Variants in SYT2 observed in about 807,000 individuals in gnomAD.
SYT2 encodes synaptotagmin-2.
In SYT2, 15 loss-of-function variants were observed where a neutral mutation model predicts 39.9. The ratio of observed to expected loss-of-function variants is 0.38; its 90% CI spans 0.25 to 0.58. The LOEUF is 0.58. Among genes scored for constraint, SYT2 ranks in the 20% least tolerant of loss-of-function variants. The pLI is 0.70. For missense variants in SYT2, 389 were observed against 530.3 expected (o/e 0.73, Z 2.62); for synonymous variants, 181 against 204.5 (o/e 0.89, Z 0.98).
chr1:202,649,145 C>T (rs1213878984), intron 1 of SYT2, among the ~76,000 whole-genome samples: 1 of 152,234 alleles, frequency 6.6e-6, no homozygotes, highest in East Asian at 1.9e-4. Context: ...GAGCAGGGCC[C>T]AGGCATCAGA....
intron 8 of SYT2, among the ~76,000 whole-genome samples, chr1:202,598,403 A>C (rs1463634095): frequency 6.6e-6 from 1 of 152,192 alleles, no homozygotes; most frequent in South Asian, 2.1e-4. Context: ...TTGGATTAAC[A>C]TTATCACTGA....
chr1:202,677,265 T>C (rs1185567594), intron 1 of SYT2, among the ~76,000 whole-genome samples: 1 of 152,242 alleles, frequency 6.6e-6, no homozygotes, highest in Non-Finnish European at 1.5e-5. Flanking sequence ...CTTCTGATAA[T>C]GTGACTTTGA....
chr1:202,661,557 A>C (rs1298366036), intron 1 of SYT2, among the ~76,000 whole-genome samples: 1 of 152,142 alleles, frequency 6.6e-6, no homozygotes, highest in Non-Finnish European at 1.5e-5. Flanking sequence ...TGGTTGCCCT[A>C]TGCCACTCGG....
chr1:202,667,788 T>C (rs1393438639), intron 1 of SYT2, among the ~76,000 whole-genome samples: 3 of 151,928 alleles, frequency 2.0e-5, no homozygotes, highest in Non-Finnish European at 2.9e-5. Flanking sequence ...TCTTGGCTCA[T>C]TGCAACCTCT....
rs1008039371 is a variant in SYT2, at chr1:202,646,205, C to A, written c.-17-40416G>T. On this transcript the variant is annotated intron_variant, in intron 1 of 8. Coordinates refer to ENST00000367268, the MANE Select transcript of SYT2 (RefSeq NM_177402.5). ...CTTCATGCACCAGCATCTCTAGATGCAGCCCTTACCCACCTTCCAGCTTCA... is the reference window on the plus strand; with the variant it reads ...CTTCATGCACCAGCATCTCTAGATGAAGCCCTTACCCACCTTCCAGCTTCA... 7.2e-5 allele frequency among the ~76,000 whole-genome samples: 11 copies of A among 152,328 alleles called. 1 individual carries two copies. Among genetic ancestry groups the A allele is most frequent in the Admixed American group, 7.2e-4 (11 of 15,308 alleles).
chr1:202,661,729 C>T (rs1341101464), intron 1 of SYT2, among the ~76,000 whole-genome samples: 3 of 152,186 alleles, frequency 2.0e-5, no homozygotes, highest in Non-Finnish European at 4.4e-5. Flanking sequence ...TCCACCCCTG[C>T]GGGAGTGTTT....
At chr1:202,621,809 A>T (rs1691209592) in intron 1 of SYT2, among the ~76,000 whole-genome samples, 1 of 152,240 alleles carries the variant, frequency 6.6e-6, no homozygotes, top group South Asian at 2.1e-4. Flanking sequence ...TGTCTCCTCT[A>T]GCAGGCTTCT....
chr1:202,616,517 C>T (rs1257644238), intron 1 of SYT2, among the ~76,000 whole-genome samples: 7 of 152,130 alleles, frequency 4.6e-5, no homozygotes, highest in Non-Finnish European at 7.3e-5. Flanking sequence ...CATATACACA[C>T]GTGCACACAC....
At chr1:202,682,789 C>T (rs942336164) in intron 1 of SYT2, among the ~76,000 whole-genome samples, 1 of 152,046 alleles carries the variant, frequency 6.6e-6, no homozygotes, top group East Asian at 1.9e-4. Flanking sequence ...GTGATGGTGG[C>T]AACAGGGATC....
intron 1 of SYT2, among the ~76,000 whole-genome samples, chr1:202,669,157 T>A (rs140122530): frequency 8.5e-5 from 13 of 152,272 alleles, no homozygotes; most frequent in African/African-American, 2.6e-4. Flanking sequence ...CTAGACAAAA[T>A]CTTTGCATCT....
intron 2 of SYT2, 100 bp downstream of exon 2, chr1:202,605,495 A>G: frequency 1.7e-6 from 2 of 1,190,324 alleles, no homozygotes; most frequent in South Asian, 1.5e-5. Flanking sequence ...AAGCATTAGG[A>G]AAGAGCCCAG....
chr1:202,655,756 G>A (rs1692267030), intron 1 of SYT2, among the ~76,000 whole-genome samples: 1 of 152,218 alleles, frequency 6.6e-6, no homozygotes, highest in Admixed American at 6.5e-5. Flanking sequence ...GGGTCTGAGG[G>A]ACAACAGGAG....
chr1:202,631,826 T>C (rs1365973718), intron 1 of SYT2, among the ~76,000 whole-genome samples: 10 of 152,164 alleles, frequency 6.6e-5, no homozygotes, highest in Admixed American at 6.5e-4. Context: ...AGGGGTGTTA[T>C]AGACAGGACT....
chr1:202,601,685 T>C lies in SYT2; in HGVS notation c.801+205A>G, dbSNP rs1690508179. Among the ~76,000 whole-genome samples, 1 of 152,126 alleles carries C rather than the reference T, an allele frequency of 6.6e-6. No homozygotes were observed. The highest frequency in any genetic ancestry group is 1.9e-4 in the East Asian group (1 of 5,182). On this transcript the variant is annotated intron_variant, in intron 6 of 8. Transcript: ENST00000367268. The surrounding 1 kb of genome is among the most constrained non-coding windows in gnomAD (Gnocchi z 4.0). Reference sequence around the variant, plus strand: ...GCTTTATGCAGGTAATGAATCCTCATCTGTAAAAAAAGACTAAAGGAGGGA... The same window carrying C: ...GCTTTATGCAGGTAATGAATCCTCACCTGTAAAAAAAGACTAAAGGAGGGA...
At chr1:202,677,135 G>T (rs2095981) in intron 1 of SYT2, among the ~76,000 whole-genome samples, 87,625 of 152,038 alleles carry the variant, frequency 0.58, 26,220 homozygotes, top group East Asian at 0.79. Flanking sequence ...GTGAGTTGAT[G>T]AAATCTCTCT....
chr1:202,632,117 C>T (rs1187434715), intron 1 of SYT2: 3 of 976,398 alleles, frequency 3.1e-6, no homozygotes, highest in Admixed American at 6.2e-5. Flanking sequence ...AGAGAAGGAG[C>T]CAGCTCCCCA....
At chr1:202,640,645 A>G (rs1322653785) in intron 1 of SYT2, among the ~76,000 whole-genome samples, 2 of 152,040 alleles carry the variant, frequency 1.3e-5, no homozygotes, top group African/African-American at 4.8e-5. Flanking sequence ...GGGAAGGGAG[A>G]ACCAAGGAAA....
At chr1:202,639,381 G>A (rs867537445) in intron 1 of SYT2, 5 of 342,680 alleles carry the variant, frequency 1.5e-5, no homozygotes, top group African/African-American at 4.4e-5. Flanking sequence ...AGGAAAGAGC[G>A]TTGGATTGAG....
intron 1 of SYT2, chr1:202,627,751 T>TGA (rs1691459514): frequency 2.1e-6 from 1 of 475,640 alleles, no homozygotes; most frequent in East Asian, 1.5e-4. Flanking sequence ...TCATCTGATC[T>TGA]TCACTTTCGT....
Sources: allele counts gnomAD v4.1 joint callset (sites outside exome capture counted in the v4.1 genomes callset), GRCh38; gene constraint gnomAD v4.1.1; non-coding constraint Gnocchi (gnomAD v3.1); transcripts MANE v1.5; gene names NCBI Gene and HGNC (gene_info 2026-07-23, HGNC 2026-07-21).